Variants in CBR4 observed in about 807,000 individuals in gnomAD.
CBR4 encodes the protein carbonyl reductase 4.
CBR4 carries 22 observed loss-of-function variants against 21.0 expected under a neutral mutation model. The ratio of observed to expected loss-of-function variants is 1.05; its 90% confidence interval spans 0.75 to 1.50. The LOEUF is 1.50. Among genes scored for constraint, CBR4 ranks in the 40% most tolerant of loss-of-function variants. The pLI, the probability that CBR4 is intolerant of heterozygous loss-of-function variation, is 0.00. For missense variants in CBR4, 302 were observed against 286.3 expected (o/e 1.05, Z -0.40); for synonymous variants, 100 against 104.4 (o/e 0.96, Z 0.26).
At chr4:168,931,546 CT>C (rs1582283090) in intron 2 of CBR4, among the ~76,000 whole-genome samples, 1 of 152,106 alleles carries the variant, frequency 6.6e-6, no homozygotes, top group African/African-American at 2.4e-5. Flanking sequence ...GACACACCCC[CT>C]GGCTGGCTGA....
Position 168,989,944 on chromosome 4 carries a change from A to T in CBR4, c.*206T>A. Reference sequence around the variant, plus strand: ...ATGAAGGCTTTTTAAACAAAACAACACTGATGTAACTTAGACCAAAAAAAA... The same window carrying T: ...ATGAAGGCTTTTTAAACAAAACAACTCTGATGTAACTTAGACCAAAAAAAA... On this transcript the variant is annotated 3_prime_UTR_variant, in exon 5 of 5. Coordinates refer to ENST00000306193, the MANE Select transcript of CBR4 (RefSeq NM_032783.5). The T allele has an allele frequency of 7.4e-6, 9 of 1,216,670 alleles. No individual in the cohort carries two copies. The highest frequency in any genetic ancestry group is 9.2e-6 in the Non-Finnish European group (9 of 976,334). The allele number at this position is 1,216,670 out of a possible 1,614,324, so 75.4% of individuals were successfully genotyped here. A position where few individuals can be genotyped will look rare whatever the true frequency, so the allele number is the denominator to read the frequency against.
At position 168,957,842 on chromosome 4, in the gene CBR4, T is replaced by G. The variant is rs139046034; in HGVS notation, n.169+44229A>C. On this transcript the variant is annotated intron_variant and non_coding_transcript_variant, in intron 2 of 3. Transcript: ENST00000509108. ...GAGGTAATTGAATCATGGGGGTAGT[T>G]ACCTCCATGCTGTTCTCGTGATAGT... Among the ~76,000 whole-genome samples the G allele has an allele frequency of 2.0e-4, 30 of 152,228 alleles. No homozygotes were observed. In the East Asian group the frequency reaches 4.5e-3, roughly 23 times the overall value.
intron 4 of CBR4, among the ~76,000 whole-genome samples, chr4:168,998,051 C>G (rs1455580145): frequency 6.6e-6 from 1 of 152,140 alleles, no homozygotes. Context: ...CTCTGAGTAG[C>G]TAACAAACTC....
At chr4:168,966,270 T>C (rs1175935631) in intron 2 of CBR4, among the ~76,000 whole-genome samples, 2 of 150,346 alleles carry the variant, frequency 1.3e-5, no homozygotes, top group Admixed American at 6.7e-5. Flanking sequence ...TCCTAGCACT[T>C]TGGGAGGCCG....
At chr4:168,916,167 CT>C in intron 2 of CBR4, 2 of 850,654 alleles carry the variant, frequency 2.4e-6, no homozygotes, top group Non-Finnish European at 3.9e-6. Context: ...AATCCCAGCA[CT>C]TTAGAGTCCA....
At chr4:168,935,439 C>G (rs1266122543) in intron 2 of CBR4, among the ~76,000 whole-genome samples, 1 of 152,118 alleles carries the variant, frequency 6.6e-6, no homozygotes, top group Non-Finnish European at 1.5e-5. Flanking sequence ...AAAGGGGGCT[C>G]AAGCTAGGGA....
At chr4:168,919,936 T>C (rs1761092111) in intron 2 of CBR4, among the ~76,000 whole-genome samples, 1 of 152,154 alleles carries the variant, frequency 6.6e-6, no homozygotes, top group Non-Finnish European at 1.5e-5. Context: ...TGAGTAACTA[T>C]CCACTGGGTA....
At chr4:168,897,553 C>A (rs1163226652) in intron 2 of CBR4, among the ~76,000 whole-genome samples, 2 of 152,016 alleles carry the variant, frequency 1.3e-5, no homozygotes, top group Non-Finnish European at 2.9e-5. Flanking sequence ...CTCAAGTGAT[C>A]CTCCCACCTC....
At chr4:168,915,827 G>C (rs888965486) in intron 2 of CBR4, 13 of 1,232,404 alleles carry the variant, frequency 1.1e-5, no homozygotes, top group African/African-American at 8.9e-5. Flanking sequence ...TAAGAAAACA[G>C]ATGACTAAAA....
chr4:168,926,579 A>G (rs1762608696), intron 2 of CBR4: 1 of 497,994 alleles, frequency 2.0e-6, no homozygotes, highest in Non-Finnish European at 3.5e-6. Flanking sequence ...AAATATACAC[A>G]TTGCACAGAA....
At chr4:169,001,904 T>C (rs1730475576) in intron 4 of CBR4, 167 bp downstream of exon 4, 2 of 519,458 alleles carry the variant, frequency 3.9e-6, no homozygotes, top group Non-Finnish European at 6.7e-6. Flanking sequence ...TTATATAGAA[T>C]ATGAGGTACA....
intron 4 of CBR4, among the ~76,000 whole-genome samples, chr4:168,992,486 T>A (rs1008552041): frequency 2.0e-5 from 3 of 152,176 alleles, no homozygotes; most frequent in Admixed American, 2.0e-4. Context: ...TGCACCTGCA[T>A]TCATTTGTAT....
chr4:168,898,964 A>C (rs577050591), intron 2 of CBR4, among the ~76,000 whole-genome samples: 10 of 152,308 alleles, frequency 6.6e-5, no homozygotes, highest in Non-Finnish European at 1.5e-4. Context: ...TCACACACCT[A>C]TATCATTTAT....
chr4:168,967,012 C>CT (rs950134457), intron 2 of CBR4, among the ~76,000 whole-genome samples: 6 of 35,194 alleles, frequency 1.7e-4, no homozygotes, highest in African/African-American at 6.8e-4. Context: ...AAAACTCCAT[C>CT]TAAAAAAAAA....
intron 2 of CBR4, among the ~76,000 whole-genome samples, chr4:168,946,837 C>A (rs904983532): frequency 6.6e-6 from 1 of 152,102 alleles, no homozygotes; most frequent in Non-Finnish European, 1.5e-5. Context: ...GCTAAAGAAA[C>A]TGACATTGGG....
At chr4:168,956,463 T>C (rs1031212643) in intron 2 of CBR4, among the ~76,000 whole-genome samples, 2 of 151,556 alleles carry the variant, frequency 1.3e-5, no homozygotes, top group Non-Finnish European at 2.9e-5. Context: ...TTACGCACGG[T>C]GGCGTGTGCC....
At chr4:168,900,416 T>C (rs1196206927) in intron 2 of CBR4, among the ~76,000 whole-genome samples, 1 of 151,996 alleles carries the variant, frequency 6.6e-6, no homozygotes, top group Non-Finnish European at 1.5e-5. Flanking sequence ...GAATGGAAAC[T>C]ATAATGAAAG....
At position 168,906,486 on chromosome 4, in the gene CBR4, CA is replaced by C. The variant is rs541885914; in HGVS notation, n.170-11722del. On this transcript the variant is annotated intron_variant and non_coding_transcript_variant, in intron 2 of 3. Coordinates refer to the CBR4 transcript ENST00000509108. ...TCTCCAGTCATTTAAACTCTCTTGA[CA>C]AATTATTATGAAGTCACTAGATGAA... 3.4e-3 allele frequency among the ~76,000 whole-genome samples: 516 copies of C among 152,258 alleles called. 4 individuals carry two copies. The highest frequency in any genetic ancestry group is 0.012 in the African/African-American group (483 of 41,532).
chr4:168,929,130 A>AAATT lies in CBR4; in HGVS notation n.170-34369_170-34366dup, dbSNP rs200614296. Among the ~76,000 whole-genome samples, 30 of 152,302 alleles carry AAATT rather than the reference A, an allele frequency of 2.0e-4. No individual in the cohort carries two copies. The East Asian group carries it at 4.4e-3, about 23-fold the overall frequency. ...TACATAAAATACAGCAAGATGATAT[A>AAATT]AATTAAAAGTGAGGGGAAAAGGAAG... is the stretch of plus-strand genomic sequence containing the variant. On this transcript the variant is annotated intron_variant and non_coding_transcript_variant, in intron 2 of 3. Coordinates refer to the CBR4 transcript ENST00000509108.
Sources: gnomAD v4.1 joint callset for allele counts (sites outside exome capture counted in the v4.1 genomes callset) on GRCh38, gnomAD v4.1.1 for gene constraint, MANE v1.5 for transcripts, NCBI Gene and HGNC (gene_info 2026-07-23, HGNC 2026-07-21) for gene names.